The following ZNF469 variants were observed in gnomAD, a reference collection of about 807,000 sequenced individuals.
ZNF469 encodes zinc finger protein 469.
Under a neutral mutation model 1.0 loss-of-function variants are expected in ZNF469, and 1 was observed. The observed-to-expected ratio is 1.00, with a 90% CI of 0.35 to 4.73. The LOEUF (loss-of-function observed/expected upper bound fraction) is 4.73, where lower values mean the gene tolerates loss of function less well. Among genes scored for constraint, ZNF469 ranks in the 30% most tolerant of loss-of-function variants. The pLI, the probability that ZNF469 is intolerant of heterozygous loss-of-function variation, is 0.16. For synonymous variants in ZNF469, 2,703 were observed against 2,363.4 expected, an observed-to-expected ratio of 1.14 and a Z score of -4.17; for missense variants, 6,100 against 5,356.3, an observed-to-expected ratio of 1.14 and a Z score of -4.33.
At chr16:88,127,075 G>A in the ZNF469 span, among the ~76,000 whole-genome samples, 4 of 152,098 alleles carry the variant, frequency 2.6e-5, no homozygotes, top group South Asian at 4.1e-4. Context: ...CGTCCGCCTC[G>A]GCCTCCCACA....
chr16:88,202,938 C>T, the ZNF469 span, among the ~76,000 whole-genome samples: 2 of 152,166 alleles, frequency 1.3e-5, no homozygotes, highest in Non-Finnish European at 2.9e-5. Context: ...GTGCCGCAGC[C>T]GATGCCCTGT....
At chr16:88,193,003 ATGGTGG>A in the ZNF469 span, among the ~76,000 whole-genome samples, 1 of 106,432 alleles carries the variant, frequency 9.4e-6, no homozygotes, top group African/African-American at 4.0e-5. Context: ...GGTGGTGGTG[ATGGTGG>A]TGATGGTGGT....
intron 1 of ZNF469, among the ~76,000 whole-genome samples, chr16:88,408,568 G>A (rs954404704): frequency 4.6e-5 from 7 of 151,842 alleles, no homozygotes; most frequent in Admixed American, 2.6e-4. Context: ...CACCAGAAGC[G>A]GGGTCAGCAC....
the ZNF469 span, among the ~76,000 whole-genome samples, chr16:88,336,162 A>C: frequency 6.9e-6 from 1 of 144,550 alleles, no homozygotes; most frequent in Non-Finnish European, 1.5e-5. Context: ...AGACACTAAC[A>C]TGCCAACACC....
At chr16:88,291,430 C>T in the ZNF469 span, among the ~76,000 whole-genome samples, 101 of 152,312 alleles carry the variant, frequency 6.6e-4, no homozygotes, top group Admixed American at 2.0e-3. Context: ...CAATAAGACG[C>T]GTTCATAAAC....
chr16:88,259,711 C>G, the ZNF469 span, among the ~76,000 whole-genome samples: 2 of 150,906 alleles, frequency 1.3e-5, no homozygotes, highest in Non-Finnish European at 3.0e-5. The surrounding 1 kb of genome is among the most constrained non-coding windows in gnomAD (Gnocchi z 4.1). Flanking sequence ...GCACTCACAC[C>G]AATGTCCCAG....
In ZNF469 at chr16:88,394,218, T is replaced by C. The variant is rs192912030; in HGVS notation, c.-192+10964T>C. The stretch of plus-strand genomic sequence containing the variant: ...TGGGAGGAGCGGAGTTTGACACATG[T>C]ACACCTGTGCTGTCCAAGAGGAGCA... On this transcript the variant is annotated intron_variant, in intron 1 of 2. Coordinates refer to ENST00000565624, the MANE Select transcript of ZNF469 (RefSeq NM_001367624.2). Among the ~76,000 whole-genome samples, 13 of 150,830 alleles carry C rather than the reference T, an allele frequency of 8.6e-5. 1 individual carries two copies. The highest frequency in any genetic ancestry group is 2.1e-4 in the South Asian group (1 of 4,776).
the ZNF469 span, among the ~76,000 whole-genome samples, chr16:88,185,895 C>T: frequency 3.3e-5 from 5 of 151,996 alleles, no homozygotes; most frequent in African/African-American, 4.8e-5. Flanking sequence ...CACTTATGTG[C>T]GCAGACCCAC....
chr16:88,388,376 A>G (rs1292916465), intron 1 of ZNF469, among the ~76,000 whole-genome samples: 2 of 152,256 alleles, frequency 1.3e-5, no homozygotes, highest in African/African-American at 2.4e-5. Context: ...GTCCACATTC[A>G]TGAGCAGCCA....
the ZNF469 span, among the ~76,000 whole-genome samples, chr16:88,331,042 T>TCAC: frequency 2.7e-5 from 3 of 112,246 alleles, no homozygotes; most frequent in East Asian, 7.5e-4. Context: ...ACCACCATCA[T>TCAC]CACCATCATC....
At chr16:88,149,260 A>G in the ZNF469 span, among the ~76,000 whole-genome samples, 1 of 152,306 alleles carries the variant, frequency 6.6e-6, no homozygotes, top group South Asian at 2.1e-4. Flanking sequence ...CACAGGCCAC[A>G]TGGGAGACCT....
intron 1 of ZNF469, among the ~76,000 whole-genome samples, chr16:88,396,894 T>TGGAGAACCTCATGAAGGGAGGCCGGGA (rs1904690984): frequency 1.5e-5 from 1 of 66,904 alleles, no homozygotes; most frequent in Non-Finnish European, 2.9e-5. Flanking sequence ...GGAGGCCGGG[T>TGGAGAACCTCATGAAGGGAGGCCGGGA]GGAGACCCTC....
At chr16:88,328,936 C>T in the ZNF469 span, among the ~76,000 whole-genome samples, 172 of 152,188 alleles carry the variant, frequency 1.1e-3, 1 homozygote, top group South Asian at 7.9e-3. Flanking sequence ...AGAGTCAAAC[C>T]GAATCAGCAA....
At chr16:88,381,206 A>ACC (rs200336494), upstream of ZNF469, among the ~76,000 whole-genome samples, 5 of 53,160 alleles carry the variant, frequency 9.4e-5, no homozygotes. Context: ...GCATTCACAG[A>ACC]CACACACACA....
the ZNF469 span, among the ~76,000 whole-genome samples, chr16:88,154,815 G>C: frequency 6.6e-6 from 1 of 152,200 alleles, no homozygotes; most frequent in Non-Finnish European, 1.5e-5. Flanking sequence ...ATGTGCACAG[G>C]AGTGGCACGG....
chr16:88,135,755 T>TC, the ZNF469 span, among the ~76,000 whole-genome samples: 1 of 118,990 alleles, frequency 8.4e-6, no homozygotes, highest in Admixed American at 8.5e-5. Flanking sequence ...CATGTTTTTT[T>TC]TTTTTTTTTT....
the ZNF469 span, among the ~76,000 whole-genome samples, chr16:88,237,182 T>G: frequency 0.11 from 6,375 of 56,186 alleles, 835 homozygotes; most frequent in East Asian, 0.23. Flanking sequence ...CTCCTGCCAC[T>G]CACCCTCCCT....
chr16:88,372,101 T>TCCC, the ZNF469 span, among the ~76,000 whole-genome samples: 1 of 98,478 alleles, frequency 1.0e-5, no homozygotes, highest in African/African-American at 4.7e-5. Context: ...ATCACCACCA[T>TCCC]CATCACCATC....
chr16:88,243,483 T>G, the ZNF469 span, among the ~76,000 whole-genome samples: 1 of 152,206 alleles, frequency 6.6e-6, no homozygotes, highest in East Asian at 1.9e-4. Context: ...TCCCCTCCTC[T>G]GTAGTCATCT....
Sources: allele counts gnomAD v4.1 joint callset (sites outside exome capture counted in the v4.1 genomes callset), GRCh38; gene constraint gnomAD v4.1.1; non-coding constraint Gnocchi (gnomAD v3.1); transcripts MANE v1.5; gene names NCBI Gene and HGNC (gene_info 2026-07-23, HGNC 2026-07-21).